Variants in SLC5A12 observed in about 807,000 individuals in gnomAD.
The protein encoded by SLC5A12 is solute carrier family 5 member 12, also known as sodium-coupled monocarboxylate transporter 2.
In SLC5A12, 46 loss-of-function variants were observed where a neutral mutation model predicts 72.7. That is an observed-to-expected ratio of 0.63 (90% CI 0.50 to 0.81). SLC5A12 has a LOEUF of 0.81. Ranked by LOEUF, SLC5A12 falls within the 30% of genes least tolerant of loss-of-function variation. The probability of loss-of-function intolerance (pLI) is 0.00; values close to 1 mark genes in which losing one functional copy is unlikely to be tolerated. For missense variants in SLC5A12, 683 were observed against 740.7 expected (o/e 0.92, Z 0.90); for synonymous variants, 275 against 264.4 (o/e 1.04, Z -0.39).
intron 8 of SLC5A12, among the ~76,000 whole-genome samples, chr11:26,694,501 G>A (rs554849062): frequency 2.6e-5 from 4 of 152,072 alleles, no homozygotes; most frequent in Admixed American, 6.6e-5. Context: ...TGAGTCTCTG[G>A]TGCTCATTAT....
At chr11:26,707,815 G>T (rs1348630336) in intron 4 of SLC5A12, among the ~76,000 whole-genome samples, 2 of 151,956 alleles carry the variant, frequency 1.3e-5, no homozygotes, top group South Asian at 4.1e-4. Flanking sequence ...TTTTGTTAAA[G>T]TTATTGTTAG....
intron 13 of SLC5A12, among the ~76,000 whole-genome samples, chr11:26,677,091 A>G (rs1419036117): frequency 6.6e-6 from 1 of 151,630 alleles, no homozygotes; most frequent in African/African-American, 2.4e-5. Flanking sequence ...TGAGGTTATC[A>G]GGCTAGCCCT....
chr11:26,694,507 A>G (rs1204479325), intron 8 of SLC5A12, among the ~76,000 whole-genome samples: 1 of 152,152 alleles, frequency 6.6e-6, no homozygotes, highest in African/African-American at 2.4e-5. Flanking sequence ...TCTGGTGCTC[A>G]TTATCTCTGT....
At chr11:26,695,316 G>A (rs1045986991) in intron 8 of SLC5A12, among the ~76,000 whole-genome samples, 1 of 152,080 alleles carries the variant, frequency 6.6e-6, no homozygotes, top group Non-Finnish European at 1.5e-5. Flanking sequence ...CAAGTCAGCA[G>A]TGAAAAGATG....
In SLC5A12 at chr11:26,669,146, T is replaced by C. The variant is rs1854067620; in HGVS notation, c.*1956A>G. ...TTGCTGTTTTTTTATTCTTTCTGTC[T>C]CTCTCTTCCTCTTCCTGTCTTTTTC... On this transcript the variant is annotated 3_prime_UTR_variant, in exon 15 of 15. Coordinates refer to ENST00000396005, the MANE Select transcript of SLC5A12 (RefSeq NM_178498.4). 6.6e-6 allele frequency: 1 copy of C among 151,594 alleles called. No individual in the cohort carries two copies. Among genetic ancestry groups the C allele is most frequent in the African/African-American group, 2.4e-5 (1 of 41,278 alleles). The allele number at this position is 151,594 out of a possible 1,614,324, so 9.4% of individuals were successfully genotyped here. A position where few individuals can be genotyped will look rare whatever the true frequency, so the allele number is the denominator to read the frequency against.
intron 2 of SLC5A12, 89 bp downstream of exon 2, chr11:26,712,552 C>G (rs1855254365): frequency 2.3e-6 from 2 of 886,474 alleles, no homozygotes; most frequent in African/African-American, 3.2e-5. Flanking sequence ...ATTAAGTGTC[C>G]TTTAGCTGAG....
At chr11:26,709,713 A>T (rs1479567041) in intron 3 of SLC5A12, among the ~76,000 whole-genome samples, 1 of 152,040 alleles carries the variant, frequency 6.6e-6, no homozygotes, top group African/African-American at 2.4e-5. Flanking sequence ...AATCACCTAA[A>T]CATGAGCCAT....
At chr11:26,700,886 C>G (rs1174931779) in intron 6 of SLC5A12, among the ~76,000 whole-genome samples, 1 of 152,214 alleles carries the variant, frequency 6.6e-6, no homozygotes, top group Non-Finnish European at 1.5e-5. Flanking sequence ...CTAACCCATG[C>G]CCACTTTTAG....
intron 6 of SLC5A12, among the ~76,000 whole-genome samples, chr11:26,700,444 C>CA (rs1247398507): frequency 6.6e-6 from 1 of 151,880 alleles, no homozygotes; most frequent in Non-Finnish European, 1.5e-5. Context: ...TAGCAGGAAG[C>CA]AATGCAGAAG....
At chr11:26,671,770 ATTAAGT>A (rs1854150216) in intron 14 of SLC5A12, among the ~76,000 whole-genome samples, 1 of 152,170 alleles carries the variant, frequency 6.6e-6, no homozygotes, top group African/African-American at 2.4e-5. Context: ...GCCTGCATTA[ATTAAGT>A]TTATTATTTA....
rs1854087866 is a variant in SLC5A12, at chr11:26,669,397, T to G, written c.*1705A>C. 6.6e-6 allele frequency: 1 copy of G among 151,882 alleles called. No individual in the cohort carries two copies. The highest frequency in any genetic ancestry group is 6.6e-5 in the Admixed American group (1 of 15,182). 9.4% of individuals were successfully genotyped at this position (151,882 alleles called of 1,614,324 possible). On this transcript the variant is annotated 3_prime_UTR_variant, in exon 15 of 15. Coordinates refer to ENST00000396005, the MANE Select transcript of SLC5A12 (RefSeq NM_178498.4). ...GCAAATCCTTAGATCAACAGCTTAA[T>G]TAGCGTTGCCAGACTTTAAAAAATG... is the stretch of plus-strand genomic sequence containing the variant.
chr11:26,697,619 C>G (rs927673033), intron 7 of SLC5A12, among the ~76,000 whole-genome samples: 3 of 152,206 alleles, frequency 2.0e-5, no homozygotes, highest in Admixed American at 2.0e-4. Flanking sequence ...TTCCCTTGAG[C>G]ATATTCTCCA....
intron 8 of SLC5A12, among the ~76,000 whole-genome samples, chr11:26,695,695 A>T (rs1854793402): frequency 6.6e-6 from 1 of 152,220 alleles, no homozygotes; most frequent in Non-Finnish European, 1.5e-5. Context: ...AATCTTCCTG[A>T]CACAGAAGAC....
intron 4 of SLC5A12, among the ~76,000 whole-genome samples, chr11:26,704,551 T>A (rs1590732452): frequency 6.6e-6 from 1 of 152,282 alleles, no homozygotes; most frequent in South Asian, 2.1e-4. Flanking sequence ...AGTTATATGA[T>A]GAGAGATTTT....
At chr11:26,700,786 G>C (rs992667814) in intron 6 of SLC5A12, among the ~76,000 whole-genome samples, 7 of 152,152 alleles carry the variant, frequency 4.6e-5, no homozygotes, top group Non-Finnish European at 5.9e-5. Flanking sequence ...TAGGTGCAAG[G>C]AAGATTTGGC....
At chr11:26,712,813 C>T (rs1167797004) in intron 1 of SLC5A12, 107 bp from the exon 2 acceptor site, 2 of 582,874 alleles carry the variant, frequency 3.4e-6, no homozygotes, top group Admixed American at 2.6e-5. Flanking sequence ...GACTTGTAAT[C>T]TGATTTTATG....
intron 3 of SLC5A12, 92 bp downstream of exon 3, chr11:26,711,215 C>A (rs780647782): frequency 3.2e-5 from 33 of 1,038,632 alleles, no homozygotes; most frequent in Non-Finnish European, 4.7e-5. Flanking sequence ...AGAAGAATAT[C>A]TCCCCAACAA....
chr11:26,714,759 C>T (rs1403193766), intron 1 of SLC5A12, among the ~76,000 whole-genome samples: 1 of 152,054 alleles, frequency 6.6e-6, no homozygotes, highest in African/African-American at 2.4e-5. Context: ...ACAATTGGCC[C>T]TTCTTTGAAG....
intron 13 of SLC5A12, among the ~76,000 whole-genome samples, chr11:26,674,494 G>T (rs529779027): frequency 1.3e-5 from 2 of 152,146 alleles, no homozygotes; most frequent in East Asian, 3.9e-4. Context: ...CCGTCTCCCG[G>T]GTTCAAGTGA....
Sources: gnomAD v4.1 joint callset for allele counts (sites outside exome capture counted in the v4.1 genomes callset) on GRCh38, gnomAD v4.1.1 for gene constraint, MANE v1.5 for transcripts, NCBI Gene and HGNC (gene_info 2026-07-23, HGNC 2026-07-21) for gene names.